Variants in DOCK1 observed in about 807,000 individuals in gnomAD.
DOCK1 encodes the protein dedicator of cytokinesis protein 1.
A neutral mutation model predicts 262.7 loss-of-function variants in DOCK1; 138 were observed. That is an observed-to-expected ratio of 0.53 (90% CI 0.46 to 0.61). DOCK1 has a LOEUF of 0.61. Among genes scored for constraint, DOCK1 ranks in the 20% least tolerant of loss-of-function variants. The probability of loss-of-function intolerance (pLI) is 0.00; values close to 1 mark genes in which losing one functional copy is unlikely to be tolerated. For synonymous variants in DOCK1, 866 were observed against 867.4 expected (o/e 1.00, Z 0.03); for missense variants, 1,908 against 2,370.7 (o/e 0.80, Z 4.05).
intron 29 of DOCK1, among the ~76,000 whole-genome samples, chr10:127,259,976 T>C (rs907885785): frequency 6.6e-6 from 1 of 152,096 alleles, no homozygotes; most frequent in African/African-American, 2.4e-5. Flanking sequence ...CTGGGAGTGC[T>C]ATGGTTCTGG....
intron 27 of DOCK1, among the ~76,000 whole-genome samples, chr10:127,164,980 T>G (rs1003046107): frequency 6.6e-6 from 1 of 152,212 alleles, no homozygotes; most frequent in African/African-American, 2.4e-5. Context: ...GGAGGAGAGA[T>G]AAAGCTTAAG....
chr10:127,435,582 G>A (rs1053624856), intron 48 of DOCK1, among the ~76,000 whole-genome samples: 5 of 152,194 alleles, frequency 3.3e-5, no homozygotes, highest in Middle Eastern at 3.4e-3. Context: ...ACTTCTCCCC[G>A]AGAAAATCCC....
At chr10:127,250,513 G>A (rs757228413) in intron 28 of DOCK1, among the ~76,000 whole-genome samples, 7 of 152,062 alleles carry the variant, frequency 4.6e-5, no homozygotes, top group Non-Finnish European at 2.9e-5. Context: ...GATGTTGGCC[G>A]GGCGTGGTGG....
At chr10:127,014,492 A>G (rs2041712270) in intron 12 of DOCK1, among the ~76,000 whole-genome samples, 1 of 152,216 alleles carries the variant, frequency 6.6e-6, no homozygotes, top group Non-Finnish European at 1.5e-5. Context: ...GGCGTTTCTG[A>G]GAAAGGTGTT....
chr10:127,013,682 C>G (rs943873087), intron 12 of DOCK1: 3 of 152,174 alleles, frequency 2.0e-5, no homozygotes, highest in African/African-American at 7.2e-5. Flanking sequence ...CCTTGAACTT[C>G]TGGGAGGAGT....
intron 27 of DOCK1, among the ~76,000 whole-genome samples, chr10:127,150,317 G>A (rs931811669): frequency 3.3e-5 from 5 of 152,174 alleles, no homozygotes; most frequent in African/African-American, 1.2e-4. Context: ...AGGTCATCCA[G>A]CTCAATCCCC....
At chr10:127,355,490 T>C (rs2133878022) in intron 32 of DOCK1, among the ~76,000 whole-genome samples, 1 of 152,258 alleles carries the variant, frequency 6.6e-6, no homozygotes, top group African/African-American at 2.4e-5. Context: ...TCCTAGGCCA[T>C]GGGGTGCTGG....
intron 11 of DOCK1, among the ~76,000 whole-genome samples, 176 bp downstream of exon 11, chr10:127,008,980 C>T (rs2041231350): frequency 6.6e-6 from 1 of 152,092 alleles, no homozygotes; most frequent in African/African-American, 2.4e-5. Context: ...CCATAAGAAT[C>T]CTGGGTCAAA....
At chr10:127,271,357 A>C (rs1272228545) in intron 29 of DOCK1, among the ~76,000 whole-genome samples, 1 of 152,176 alleles carries the variant, frequency 6.6e-6, no homozygotes, top group Non-Finnish European at 1.5e-5. Context: ...CTATTTTTTC[A>C]ACACGAAATT....
chr10:127,378,389 A>T (rs1263840572), intron 35 of DOCK1, among the ~76,000 whole-genome samples: 2 of 152,174 alleles, frequency 1.3e-5, no homozygotes, highest in Admixed American at 1.3e-4. Context: ...CTTGGCACAG[A>T]TGTCAGTCAG....
intron 44 of DOCK1, 108 bp downstream of exon 44, chr10:127,415,346 A>G: frequency 9.6e-7 from 1 of 1,046,964 alleles, no homozygotes; most frequent in Non-Finnish European, 1.4e-6. Flanking sequence ...CAGCGTGCAC[A>G]CAGCAGACTC....
At chr10:127,009,120 T>A (rs2041241745) in intron 11 of DOCK1, among the ~76,000 whole-genome samples, 1 of 152,218 alleles carries the variant, frequency 6.6e-6, no homozygotes, top group South Asian at 2.1e-4. Context: ...TTCTAGTAGC[T>A]ATTTGTATTT....
At chr10:127,297,147 C>G (rs1176572159) in intron 29 of DOCK1, among the ~76,000 whole-genome samples, 1 of 152,118 alleles carries the variant, frequency 6.6e-6, no homozygotes, top group Non-Finnish European at 1.5e-5. Context: ...TTGTGGAAGA[C>G]AAGCACAGGC....
intron 29 of DOCK1, among the ~76,000 whole-genome samples, chr10:127,279,106 G>T (rs1007027201): frequency 3.3e-5 from 5 of 152,228 alleles, no homozygotes; most frequent in Admixed American, 6.5e-5. Flanking sequence ...CTATCAGGGG[G>T]TGTGAATCCA....
At chr10:127,399,621 C>T (rs2067107081) in intron 38 of DOCK1, among the ~76,000 whole-genome samples, 1 of 151,448 alleles carries the variant, frequency 6.6e-6, no homozygotes, top group African/African-American at 2.4e-5. Context: ...TGATATGTAT[C>T]TAAAGTATCT....
At chr10:127,237,310 A>G (rs1431222896) in intron 27 of DOCK1, among the ~76,000 whole-genome samples, 2 of 150,442 alleles carry the variant, frequency 1.3e-5, no homozygotes, top group Admixed American at 6.7e-5. Flanking sequence ...CAGTGGGCCG[A>G]GACCACACCA....
Position 127,346,042 on chromosome 10 carries a change from C to T in DOCK1, c.3224+2296C>T, listed in dbSNP as rs1009683789. On this transcript the variant is annotated intron_variant, in intron 31 of 51. Transcript: ENST00000623213. Reference sequence around the variant, plus strand: ...TGTCCCGTCCAGCAAAAGGACAGCTCGGCCACAGCAGGTGAAGCCACCTGC... The same window carrying T: ...TGTCCCGTCCAGCAAAAGGACAGCTTGGCCACAGCAGGTGAAGCCACCTGC... Among the ~76,000 whole-genome samples the T allele has an allele frequency of 9.2e-5, 14 of 152,338 alleles. 1 individual carries two copies. The highest frequency in any genetic ancestry group is 3.4e-3 in the Middle Eastern group (1 of 294).
At chr10:127,130,664 C>T (rs2050268102) in intron 27 of DOCK1, among the ~76,000 whole-genome samples, 1 of 152,234 alleles carries the variant, frequency 6.6e-6, no homozygotes, top group East Asian at 1.9e-4. Context: ...AATGGCACCT[C>T]TTCACTGAGC....
chr10:126,913,029 T>G (rs2032040616), intron 1 of DOCK1, among the ~76,000 whole-genome samples: 1 of 151,782 alleles, frequency 6.6e-6, no homozygotes. Context: ...TCCCTGGTGC[T>G]ACTGGACTCG....
Sources: allele counts gnomAD v4.1 joint callset (sites outside exome capture counted in the v4.1 genomes callset), GRCh38; gene constraint gnomAD v4.1.1; transcripts MANE v1.5; gene names NCBI Gene and HGNC (gene_info 2026-07-23, HGNC 2026-07-21).